Variants in ITGB5 observed in about 807,000 individuals in gnomAD.
ITGB5 encodes the protein integrin subunit beta 5.
Under a neutral mutation model 84.8 loss-of-function variants are expected in ITGB5, and 38 were observed. That is an observed-to-expected ratio of 0.45 (90% confidence interval 0.35 to 0.59). The LOEUF (loss-of-function observed/expected upper bound fraction) is 0.59, where lower values mean the gene tolerates loss of function less well. ITGB5 is among the 20% of genes least tolerant of loss of function. ITGB5 has a pLI of 0.01. For missense variants in ITGB5, 905 were observed against 1,034.5 expected, an observed-to-expected ratio of 0.87 and a Z score of 1.72; for synonymous variants, 393 against 414.4, an observed-to-expected ratio of 0.95 and a Z score of 0.63.
intron 6 of ITGB5, among the ~76,000 whole-genome samples, chr3:124,820,401 G>A (rs1318937226): frequency 1.3e-5 from 2 of 152,238 alleles, no homozygotes; most frequent in Non-Finnish European, 2.9e-5. Flanking sequence ...GCAGAAAGAG[G>A]AAGAAGAGAG....
At position 124,841,559 on chromosome 3, in the gene ITGB5, GGAA is replaced by G; in HGVS notation, c.612-11_612-9del. The stretch of plus-strand genomic sequence containing the variant: ...TTTGGAAACAACTTGTAACTAGAGA[GGAA>G]GAAGAGAAGAGTCACTTTTCCATCA... On this transcript the variant is annotated splice_polypyrimidine_tract_variant and intron_variant, in intron 4 of 14. Transcript: ENST00000296181. 6.2e-7 allele frequency: 1 copy of G among 1,612,622 alleles called. No homozygotes were observed. Among genetic ancestry groups the G allele is most frequent in the Non-Finnish European group, 8.5e-7 (1 of 1,179,158 alleles).
At chr3:124,772,505 C>A (rs1473066524) in intron 11 of ITGB5, among the ~76,000 whole-genome samples, 1 of 152,220 alleles carries the variant, frequency 6.6e-6, no homozygotes, top group Non-Finnish European at 1.5e-5. Context: ...AAGAGAAAAT[C>A]ACAGATGCGT....
At chr3:124,811,839 A>C (rs2064508166) in intron 8 of ITGB5, among the ~76,000 whole-genome samples, 1 of 152,182 alleles carries the variant, frequency 6.6e-6, no homozygotes, top group Admixed American at 6.5e-5. Flanking sequence ...GGCAAGGAAA[A>C]GGTGGCCTGG....
intron 5 of ITGB5, among the ~76,000 whole-genome samples, chr3:124,834,438 A>G (rs1003571447): frequency 3.4e-5 from 5 of 148,192 alleles, no homozygotes; most frequent in African/African-American, 1.3e-4. Context: ...AAACAAAGAA[A>G]GAAAGAAGGA....
rs568948920 is a variant in ITGB5, at chr3:124,871,353, C to T, written c.156+2093G>A. Among the ~76,000 whole-genome samples the T allele has an allele frequency of 4.6e-5, 7 of 152,304 alleles. No individual in the cohort carries two copies. In the South Asian group the frequency reaches 8.3e-4, roughly 18 times the overall value. On this transcript the variant is annotated intron_variant, in intron 2 of 14. Coordinates refer to ENST00000296181, the MANE Select transcript of ITGB5 (RefSeq NM_002213.5). ...GGGATTACAGGTGCATGACACCACG[C>T]CTGGCTAATTTTTTGTATCTTTAAT...
chr3:124,819,817 G>A lies in ITGB5; in HGVS notation c.960C>T (p.Ala320=). The A allele has an allele frequency of 6.2e-7, 1 of 1,613,904 alleles. No homozygotes were observed. Among genetic ancestry groups the A allele is most frequent in the South Asian group, 1.1e-5 (1 of 91,080 alleles). Residue 320 remains alanine, a synonymous_variant, in exon 7 of 15, where the codon GCC becomes GCT. Coordinates refer to ENST00000296181, the MANE Select transcript of ITGB5 (RefSeq NM_002213.5). Reference sequence around the variant, plus strand: ...TCTCTGCCAATTTCTCTCCAAGCAAGGCAAGGGATGGATAGTCCTAGGGCC... The same window carrying A: ...TCTCTGCCAATTTCTCTCCAAGCAAAGCAAGGGATGGATAGTCCTAGGGCC... ...ASNQMDYPSL[A]LLGEKLAENN... is the part of the protein sequence containing the mutation.
At chr3:124,848,776 T>A (rs2065112407) in intron 3 of ITGB5, among the ~76,000 whole-genome samples, 2 of 96,868 alleles carry the variant, frequency 2.1e-5, no homozygotes, top group Non-Finnish European at 4.0e-5. Context: ...AGCACTTCTT[T>A]TTTTATTTTA....
chr3:124,883,023 G>A (rs1041800564), intron 1 of ITGB5, among the ~76,000 whole-genome samples: 8 of 152,224 alleles, frequency 5.3e-5, no homozygotes, highest in Admixed American at 5.2e-4. Context: ...GAACCGGAAA[G>A]AAGGAAAACA....
intron 5 of ITGB5, among the ~76,000 whole-genome samples, chr3:124,834,238 T>A (rs1022695519): frequency 6.6e-6 from 1 of 151,982 alleles, no homozygotes; most frequent in Admixed American, 6.6e-5. Context: ...GATAATGATG[T>A]GTCAACACTG....
chr3:124,805,883 T>C (rs1234283104), intron 9 of ITGB5, among the ~76,000 whole-genome samples: 5 of 152,216 alleles, frequency 3.3e-5, no homozygotes, highest in Non-Finnish European at 5.9e-5. Context: ...ACATAAGACA[T>C]TAATCTTCAT....
At chr3:124,808,813 GCTGT>G (rs2064450970) in intron 9 of ITGB5, among the ~76,000 whole-genome samples, 1 of 152,182 alleles carries the variant, frequency 6.6e-6, no homozygotes, top group South Asian at 2.1e-4. Flanking sequence ...TGCGCTGAGG[GCTGT>G]CTATTGACTG....
intron 5 of ITGB5, among the ~76,000 whole-genome samples, chr3:124,838,763 G>A (rs957139966): frequency 4.6e-5 from 7 of 152,072 alleles, no homozygotes; most frequent in South Asian, 2.1e-4. Context: ...CACCACGCCC[G>A]GCTAATTTTT....
chr3:124,787,833 T>C (rs188602043), intron 10 of ITGB5: 1 of 152,126 alleles, frequency 6.6e-6, no homozygotes, highest in East Asian at 1.9e-4. Context: ...TATTTCATTA[T>C]AGGATCACAA....
At chr3:124,845,671 G>A (rs932299239) in intron 4 of ITGB5, among the ~76,000 whole-genome samples, 9 of 152,158 alleles carry the variant, frequency 5.9e-5, no homozygotes, top group African/African-American at 1.9e-4. Context: ...TAAATGCTGA[G>A]CGCCTAGAGC....
In ITGB5 at chr3:124,850,469, G is replaced by A. The variant is rs149785826; in HGVS notation, c.362-1911C>T. On this transcript the variant is annotated intron_variant, in intron 3 of 14. Coordinates refer to ENST00000296181, the MANE Select transcript of ITGB5 (RefSeq NM_002213.5). ...CCTGCTTCCCCTGACTTGTCTTTGC[G>A]TGTACTGTTCTAGGCGCCTCAGGAT... Among the ~76,000 whole-genome samples, 345 of 146,276 alleles carry A rather than the reference G, an allele frequency of 2.4e-3. 2 individuals carry two copies. The highest frequency in any genetic ancestry group is 3.8e-3 in the Admixed American group (53 of 14,078).
chr3:124,829,322 G>GA (rs1370886052), intron 5 of ITGB5, among the ~76,000 whole-genome samples: 15 of 152,318 alleles, frequency 9.8e-5, no homozygotes, highest in African/African-American at 3.6e-4. Flanking sequence ...CGCTAAACAT[G>GA]ACAGAGGTCA....
At chr3:124,835,613 C>G (rs766702559) in intron 5 of ITGB5, among the ~76,000 whole-genome samples, 5 of 152,250 alleles carry the variant, frequency 3.3e-5, no homozygotes, top group Non-Finnish European at 7.3e-5. Flanking sequence ...ACAACGCAGA[C>G]AGCTGGGAAG....
intron 9 of ITGB5, among the ~76,000 whole-genome samples, chr3:124,798,984 A>C (rs2064276137): frequency 6.6e-6 from 1 of 152,218 alleles, no homozygotes; most frequent in African/African-American, 2.4e-5. Flanking sequence ...GCATTAGCCA[A>C]GAGGCTCAAC....
rs144781288 is a variant in ITGB5, at chr3:124,862,835, C to A, written c.157-3389G>T. 7 of 152,266 alleles carry A rather than the reference C, an allele frequency of 4.6e-5. No homozygotes were observed. The East Asian group carries it at 1.4e-3, about 29-fold the overall frequency. The allele number at this position is 152,266 out of a possible 1,614,324, so 9.4% of individuals were successfully genotyped here. On this transcript the variant is annotated intron_variant, in intron 2 of 14. Transcript: ENST00000296181. ...CGAGGCTTCCCTAAAGTTAGCTGCACCAACAACAAGAATCATGGGCTCCTG... is the reference window on the plus strand; with the variant it reads ...CGAGGCTTCCCTAAAGTTAGCTGCAACAACAACAAGAATCATGGGCTCCTG...
Sources: allele counts gnomAD v4.1 joint callset (sites outside exome capture counted in the v4.1 genomes callset), GRCh38; gene constraint gnomAD v4.1.1; transcripts MANE v1.5; gene names NCBI Gene and HGNC (gene_info 2026-07-23, HGNC 2026-07-21).